The following FRMD6 variants were observed in gnomAD, a reference collection of about 807,000 sequenced individuals.
FRMD6 encodes FERM domain containing 6.
Under a neutral mutation model 73.2 loss-of-function variants are expected in FRMD6, and 37 were observed. The ratio of observed to expected loss-of-function variants is 0.51; its 90% CI spans 0.39 to 0.66. The LOEUF is 0.66. Among genes scored for constraint, FRMD6 ranks in the 30% least tolerant of loss-of-function variants. The pLI is 0.00. For synonymous variants in FRMD6, 273 were observed against 282.2 expected, an observed-to-expected ratio of 0.97 and a Z score of 0.33; for missense variants, 714 against 780.5, an observed-to-expected ratio of 0.91 and a Z score of 1.02.
intron 2 of FRMD6, among the ~76,000 whole-genome samples, chr14:51,593,796 G>A (rs988527372): frequency 2.6e-5 from 4 of 151,896 alleles, no homozygotes; most frequent in Non-Finnish European, 5.9e-5. Context: ...ATTGAAGATG[G>A]CAATTTGAAA....
At chr14:51,444,494 G>A in the FRMD6 span, among the ~76,000 whole-genome samples, 1 of 152,174 alleles carries the variant, frequency 6.6e-6, no homozygotes, top group African/African-American at 2.4e-5. Flanking sequence ...AGTCTGTAAC[G>A]AATCCATTGT....
chr14:51,432,818 C>T, the FRMD6 span, among the ~76,000 whole-genome samples: 1 of 152,140 alleles, frequency 6.6e-6, no homozygotes. Flanking sequence ...GCAGGCAAGT[C>T]TAAGGTCTCC....
the FRMD6 span, among the ~76,000 whole-genome samples, chr14:51,432,143 G>A: frequency 6.6e-6 from 1 of 152,076 alleles, no homozygotes; most frequent in South Asian, 2.1e-4. Flanking sequence ...ATACAGTAAT[G>A]ACTCTGTTGT....
intron 1 of FRMD6, among the ~76,000 whole-genome samples, chr14:51,502,965 A>G (rs568378943): frequency 2.4e-4 from 36 of 152,106 alleles, no homozygotes; most frequent in Non-Finnish European, 4.0e-4. Context: ...GCAGTTGTGA[A>G]TGGGAGTTCA....
chr14:51,544,897 A>G (rs1322975550), intron 1 of FRMD6, among the ~76,000 whole-genome samples: 1 of 152,070 alleles, frequency 6.6e-6, no homozygotes, highest in African/African-American at 2.4e-5. Flanking sequence ...CACTACACAC[A>G]CGTGTATAAG....
At chr14:51,654,580 G>GT (rs1203391410) in intron 1 of FRMD6, among the ~76,000 whole-genome samples, 2,492 of 141,200 alleles carry the variant, frequency 0.018, 24 homozygotes, top group Middle Eastern at 0.043. Flanking sequence ...AAAGTTGTGG[G>GT]TTTTTTTTTT....
the FRMD6 span, among the ~76,000 whole-genome samples, chr14:51,459,407 T>C: frequency 2.0e-5 from 3 of 152,178 alleles, no homozygotes; most frequent in Non-Finnish European, 4.4e-5. Context: ...CATGGTTTGT[T>C]CAAAACCCTC....
chr14:51,700,358 T>A (rs1896227724), intron 3 of FRMD6, among the ~76,000 whole-genome samples: 1 of 152,054 alleles, frequency 6.6e-6, no homozygotes, highest in Non-Finnish European at 1.5e-5. Flanking sequence ...TAACATAGGT[T>A]TTAGCGGTCT....
At chr14:51,636,198 T>C (rs1013985467) in intron 2 of FRMD6, among the ~76,000 whole-genome samples, 6 of 152,112 alleles carry the variant, frequency 3.9e-5, no homozygotes, top group African/African-American at 1.2e-4. Flanking sequence ...AGGGAAAGGG[T>C]ATGCATGATT....
the FRMD6 span, among the ~76,000 whole-genome samples, chr14:51,431,293 C>T: frequency 6.6e-6 from 1 of 152,156 alleles, no homozygotes; most frequent in African/African-American, 2.4e-5. Context: ...AAATAGACTC[C>T]TTATTTCAGT....
the FRMD6 span, among the ~76,000 whole-genome samples, chr14:51,402,433 T>G: frequency 6.6e-6 from 1 of 152,058 alleles, no homozygotes; most frequent in Non-Finnish European, 1.5e-5. Context: ...TGATAGTGAG[T>G]GGGCCTCACA....
chr14:51,518,382 A>C (rs886700559), intron 1 of FRMD6, among the ~76,000 whole-genome samples: 2 of 152,194 alleles, frequency 1.3e-5, no homozygotes, highest in African/African-American at 4.8e-5. Flanking sequence ...GCGAAAAAGA[A>C]TGCTGGAGTC....
the FRMD6 span, among the ~76,000 whole-genome samples, chr14:51,444,196 C>T: frequency 2.0e-4 from 31 of 152,246 alleles, no homozygotes; most frequent in East Asian, 2.7e-3. Context: ...CCCAAAGTGC[C>T]GGGATTACAG....
At chr14:51,452,094 G>A in the FRMD6 span, among the ~76,000 whole-genome samples, 1,366 of 152,334 alleles carry the variant, frequency 9.0e-3, 19 homozygotes, top group African/African-American at 0.031. Flanking sequence ...GAAAAGGGAT[G>A]AAAACTGACA....
the FRMD6 span, among the ~76,000 whole-genome samples, chr14:51,442,691 T>A: frequency 6.6e-6 from 1 of 152,366 alleles, no homozygotes; most frequent in Non-Finnish European, 1.5e-5. Flanking sequence ...AGGAAATGTT[T>A]GTTGACATAT....
chr14:51,548,944 C>T (rs868414669), intron 1 of FRMD6, among the ~76,000 whole-genome samples: 27 of 152,166 alleles, frequency 1.8e-4, no homozygotes, highest in African/African-American at 5.3e-4. Flanking sequence ...AGGCGATTGG[C>T]ATTCTTATCA....
intron 1 of FRMD6, among the ~76,000 whole-genome samples, chr14:51,550,027 G>A (rs573657699): frequency 2.6e-5 from 4 of 152,186 alleles, no homozygotes; most frequent in African/African-American, 7.2e-5. Flanking sequence ...CTGTCCTTTG[G>A]TGCCACAGTT....
intron 1 of FRMD6, among the ~76,000 whole-genome samples, chr14:51,657,989 A>G (rs1441304961): frequency 1.3e-5 from 2 of 152,172 alleles, no homozygotes; most frequent in South Asian, 2.1e-4. Context: ...CTGACTCTCA[A>G]TCTTGTCTCC....
chr14:51,619,630 A>G (rs1055486224), intron 2 of FRMD6, among the ~76,000 whole-genome samples: 5 of 152,192 alleles, frequency 3.3e-5, no homozygotes, highest in African/African-American at 1.2e-4. Context: ...CTAAGAGCAT[A>G]AAGGCTTTTT....
Sources: gnomAD v4.1 joint callset for allele counts (sites outside exome capture counted in the v4.1 genomes callset) on GRCh38, gnomAD v4.1.1 for gene constraint, MANE v1.5 for transcripts, NCBI Gene and HGNC (gene_info 2026-07-23, HGNC 2026-07-21) for gene names.